USP45: variants seen among roughly 807,000 people sequenced by gnomAD.
USP45 encodes the protein ubiquitin specific peptidase 45.
Under a neutral mutation model 95.8 loss-of-function variants are expected in USP45, and 89 were observed. The ratio of observed to expected loss-of-function variants is 0.93; its 90% CI spans 0.78 to 1.11. The LOEUF is 1.11. USP45 is among the 50% of genes least tolerant of loss of function. USP45 has a pLI of 0.00. For synonymous variants in USP45, 281 were observed against 316.2 expected (o/e 0.89, Z 1.18); for missense variants, 898 against 942.5 (o/e 0.95, Z 0.62).
intron 5 of USP45, among the ~76,000 whole-genome samples, chr6:99,496,172 T>TA (rs1329364658): frequency 1.3e-5 from 2 of 152,218 alleles, no homozygotes; most frequent in East Asian, 1.9e-4. Flanking sequence ...TAAATAGAGA[T>TA]AGGGTCATGT....
chr6:99,471,932 G>T (rs187614358), intron 9 of USP45, among the ~76,000 whole-genome samples: 126 of 152,254 alleles, frequency 8.3e-4, no homozygotes, highest in Non-Finnish European at 1.3e-3. Context: ...TAGATCCACA[G>T]ACTTGACATT....
intron 16 of USP45, 99 bp downstream of exon 16, chr6:99,439,670 G>C (rs751243434): frequency 7.4e-6 from 6 of 805,618 alleles, no homozygotes; most frequent in Non-Finnish European, 1.1e-5. Flanking sequence ...CCTTTCAGAA[G>C]AGAAGTTATT....
intron 5 of USP45, among the ~76,000 whole-genome samples, chr6:99,494,565 T>C (rs1331736886): frequency 6.6e-6 from 1 of 152,130 alleles, no homozygotes; most frequent in African/African-American, 2.4e-5. Context: ...TAAAAATTAC[T>C]TCAACACTTA....
chr6:99,436,768 G>A (rs1030672403), intron 17 of USP45, among the ~76,000 whole-genome samples: 1 of 151,988 alleles, frequency 6.6e-6, no homozygotes, highest in African/African-American at 2.4e-5. Flanking sequence ...CATAATATTT[G>A]AGATTTTCTA....
In USP45 at chr6:99,445,817, T is replaced by A; in HGVS notation, c.1955A>T (p.Gln652Leu). 1.3e-6 allele frequency: 2 copies of A among 1,578,602 alleles called. No individual in the cohort carries two copies. The highest frequency in any genetic ancestry group is 3.9e-5 in the Admixed American group (2 of 51,334). Residue 652 changes from glutamine (Q) to leucine (L), a missense_variant, in exon 14 of 18, where the codon CAA becomes CTA. Transcript: ENST00000500704. ...ENCTKNKQKY[Q>L]EETSFAEKKV... ...ATTACCTGCAAAACTGGTTTCTTCT[T>A]GGTACTTCTGTTTGTTTTTAGTACA...
At chr6:99,482,558 T>C (rs1422143226) in intron 8 of USP45, 195 bp downstream of exon 8, 3 of 447,160 alleles carry the variant, frequency 6.7e-6, no homozygotes, top group Middle Eastern at 5.7e-4. Context: ...TTTCCTTATA[T>C]ATGAGGATAA....
chr6:99,466,579 A>G, intron 11 of USP45, 93 bp downstream of exon 11: 1 of 1,061,734 alleles, frequency 9.4e-7, no homozygotes, highest in Non-Finnish European at 1.4e-6. Context: ...AAATTTTAAA[A>G]ATGACTGCCA....
Position 99,446,059 on chromosome 6 carries a change from A to G in USP45, c.1713T>C (p.Asp571=), listed in dbSNP as rs2128552863. 6.2e-7 allele frequency: 1 copy of G among 1,614,080 alleles called. No homozygotes were observed. The highest frequency in any genetic ancestry group is 2.2e-5 in the East Asian group (1 of 44,878). ...GCTGATTTTCTCTGTCAAAATCTTG[A>G]TCTCCAGTTACAGTGCTGCTCAAAC... is the stretch of plus-strand genomic sequence containing the variant. ...ELRLSSTVTG[D]QDFDRENQPL... The change falls in exon 14 of 18, where the codon GAT becomes GAC. Residue 571 remains aspartate, a synonymous_variant. Transcript: ENST00000500704.
chr6:99,452,365 G>A (rs1444475577), intron 13 of USP45, among the ~76,000 whole-genome samples: 2 of 152,124 alleles, frequency 1.3e-5, no homozygotes, highest in East Asian at 3.9e-4. Flanking sequence ...AGTGGGCAAA[G>A]GATATGAACA....
chr6:99,496,175 G>A (rs7755530), intron 5 of USP45, among the ~76,000 whole-genome samples: 112,106 of 151,914 alleles, frequency 0.74, 41,494 homozygotes, highest in South Asian at 0.88. Context: ...ATAGAGATAG[G>A]GTCATGTTAT....
At chr6:99,436,965 G>A (rs747952741) in intron 17 of USP45, among the ~76,000 whole-genome samples, 1 of 152,166 alleles carries the variant, frequency 6.6e-6, no homozygotes, top group Non-Finnish European at 1.5e-5. Context: ...GTCACGTGTG[G>A]TAGCACGTGC....
chr6:99,471,708 C>G (rs915654390), intron 9 of USP45, among the ~76,000 whole-genome samples: 4 of 152,110 alleles, frequency 2.6e-5, no homozygotes, highest in African/African-American at 9.7e-5. Flanking sequence ...TTTAATGAAA[C>G]CATATGAAAG....
chr6:99,458,103 C>G (rs1785494425), intron 13 of USP45, among the ~76,000 whole-genome samples: 1 of 152,196 alleles, frequency 6.6e-6, no homozygotes, highest in South Asian at 2.1e-4. Context: ...TCACTGCAAC[C>G]TCCACCTCCT....
intron 13 of USP45, among the ~76,000 whole-genome samples, chr6:99,454,718 A>G (rs1007837629): frequency 6.6e-6 from 1 of 152,222 alleles, no homozygotes; most frequent in Non-Finnish European, 1.5e-5. Context: ...AAATAATAAG[A>G]TGCCTTCAAG....
chr6:99,511,193 T>C (rs1799699493), intron 1 of USP45, among the ~76,000 whole-genome samples: 1 of 151,554 alleles, frequency 6.6e-6, no homozygotes, highest in Admixed American at 6.6e-5. Context: ...ACTATTATTA[T>C]TATTATTATT....
In USP45 at chr6:99,437,227, T is replaced by G; in HGVS notation, c.2314+19A>C. 1.3e-6 allele frequency: 2 copies of G among 1,588,370 alleles called. No individual in the cohort carries two copies. Among genetic ancestry groups the G allele is most frequent in the Non-Finnish European group, 1.7e-6 (2 of 1,172,114 alleles). On this transcript the variant is annotated intron_variant, in intron 17 of 17. Transcript: ENST00000500704. Reference sequence around the variant, plus strand: ...TATTCGTTTGTTTTTAAGAATAAAATAAACTTAGGATGGCATACCAGGCAC... The same window carrying G: ...TATTCGTTTGTTTTTAAGAATAAAAGAAACTTAGGATGGCATACCAGGCAC...
chr6:99,463,800 C>CAAAA (rs398002416), intron 13 of USP45, among the ~76,000 whole-genome samples: 11 of 84,438 alleles, frequency 1.3e-4, no homozygotes, highest in African/African-American at 3.8e-4. Context: ...GACTCCATCT[C>CAAAA]AAAAAAAAAA....
chr6:99,498,046 G>C (rs997489663), intron 5 of USP45, among the ~76,000 whole-genome samples: 3 of 152,148 alleles, frequency 2.0e-5, no homozygotes, highest in African/African-American at 7.2e-5. Flanking sequence ...CCTCGTACTT[G>C]CTCCATCACA....
At position 99,487,901 on chromosome 6, in the gene USP45, G is replaced by A. The variant is rs562342111; in HGVS notation, c.714+299C>T. ...ATGTCACCAGAAACTACAAAATAGG[G>A]GTTATAGGCATTTTGCTCAATAGAA... On this transcript the variant is annotated intron_variant, in intron 7 of 17. Coordinates refer to ENST00000500704, the MANE Select transcript of USP45 (RefSeq NM_001346022.3). 9.4e-4 allele frequency among the ~76,000 whole-genome samples: 143 copies of A among 152,166 alleles called. 1 individual carries two copies. Among genetic ancestry groups the A allele is most frequent in the South Asian group, 5.0e-3 (24 of 4,820 alleles).
Sources: allele counts gnomAD v4.1 joint callset (sites outside exome capture counted in the v4.1 genomes callset), GRCh38; gene constraint gnomAD v4.1.1; transcripts MANE v1.5; gene names NCBI Gene and HGNC (gene_info 2026-07-23, HGNC 2026-07-21).